Variants in TYW1B observed in about 807,000 individuals in gnomAD.
TYW1B encodes the protein tRNA-yW synthesizing protein 1 homolog B.
Under a neutral mutation model 86.9 loss-of-function variants are expected in TYW1B, and 73 were observed. The ratio of observed to expected loss-of-function variants is 0.84; its 90% CI spans 0.70 to 1.02. The LOEUF (loss-of-function observed/expected upper bound fraction) is 1.02. TYW1B is among the 50% of genes least tolerant of loss of function. TYW1B has a pLI of 0.00. For missense variants in TYW1B, 637 were observed against 827.4 expected (o/e 0.77, Z 2.82); for synonymous variants, 248 against 292.8 (o/e 0.85, Z 1.56).
At chr7:72,722,062 C>A (rs1248404392) in intron 9 of TYW1B, among the ~76,000 whole-genome samples, 1 of 152,194 alleles carries the variant, frequency 6.6e-6, no homozygotes, top group Non-Finnish European at 1.5e-5. Flanking sequence ...ATCTTCCCAA[C>A]AACCTGTCCT....
At chr7:72,785,486 A>G (rs1220028941) in intron 6 of TYW1B, among the ~76,000 whole-genome samples, 2 of 150,338 alleles carry the variant, frequency 1.3e-5, no homozygotes, top group South Asian at 2.1e-4. Flanking sequence ...TAACTACTAT[A>G]CAAGAAAATA....
intron 8 of TYW1B, among the ~76,000 whole-genome samples, chr7:72,733,815 T>C (rs1185672213): frequency 6.6e-6 from 1 of 152,194 alleles, no homozygotes; most frequent in Non-Finnish European, 1.5e-5. Context: ...ATTTACAGAT[T>C]TGATGCAATC....
intron 7 of TYW1B, among the ~76,000 whole-genome samples, chr7:72,770,994 C>T (rs1339389650): frequency 1.7e-5 from 2 of 120,474 alleles, no homozygotes; most frequent in African/African-American, 6.4e-5. Context: ...TGGAGTCTCA[C>T]TCTTATCACC....
chr7:72,591,889 T>C (rs1298601912), intron 13 of TYW1B, among the ~76,000 whole-genome samples: 2 of 152,110 alleles, frequency 1.3e-5, no homozygotes, highest in African/African-American at 2.4e-5. Context: ...AGTGGTGTGA[T>C]CTCAGCTCAC....
At chr7:72,595,205 G>A (rs1811500633) in intron 13 of TYW1B, among the ~76,000 whole-genome samples, 1 of 152,132 alleles carries the variant, frequency 6.6e-6, no homozygotes, top group Non-Finnish European at 1.5e-5. Flanking sequence ...AATAATTTTT[G>A]TTTTTAAATG....
chr7:72,798,755 T>C (rs561765383), intron 6 of TYW1B, among the ~76,000 whole-genome samples: 19 of 152,342 alleles, frequency 1.2e-4, no homozygotes, highest in African/African-American at 4.3e-4. Flanking sequence ...AGTGCCTGTT[T>C]ACTCAGAGCC....
chr7:72,618,253 G>A (rs1387336294), intron 12 of TYW1B, among the ~76,000 whole-genome samples: 1 of 36,372 alleles, frequency 2.7e-5, no homozygotes, highest in African/African-American at 1.1e-4. Context: ...TTTTTTTTTT[G>A]TTGCCCAGGC....
intron 8 of TYW1B, 34 bp downstream of exon 8, chr7:72,744,450 T>C (rs782208895): frequency 3.8e-6 from 6 of 1,586,852 alleles, no homozygotes; most frequent in Non-Finnish European, 4.3e-6. Context: ...GCTCATTACA[T>C]ATTCGATCAC....
At chr7:72,641,400 A>C (rs1812796838) in intron 11 of TYW1B, among the ~76,000 whole-genome samples, 1 of 152,206 alleles carries the variant, frequency 6.6e-6, no homozygotes, top group Non-Finnish European at 1.5e-5. Context: ...CATTATCTTC[A>C]TAACAAACCA....
In TYW1B at chr7:72,593,594, G is replaced by A. The variant is rs190183812; in HGVS notation, c.1786-17875C>T. On this transcript the variant is annotated intron_variant, in intron 13 of 13. Coordinates refer to ENST00000620995, the MANE Select transcript of TYW1B (RefSeq NM_001145440.3). ...TCCCAGCACTTTGGGAAGCCAAGGC[G>A]GGCGGATCACAAGGTCAGGAGATCG... Among the ~76,000 whole-genome samples, 1,363 of 151,992 alleles carry A rather than the reference G, an allele frequency of 9.0e-3. 21 individuals are homozygous for A. Among genetic ancestry groups the A allele is most frequent in the African/African-American group, 0.028 (1,144 of 41,456 alleles).
At chr7:72,701,115 T>C (rs1554452486) in intron 10 of TYW1B, among the ~76,000 whole-genome samples, 1 of 152,064 alleles carries the variant, frequency 6.6e-6, no homozygotes, top group Non-Finnish European at 1.5e-5. Context: ...TTTGAACACA[T>C]TTAAAATAGC....
chr7:72,738,273 C>T (rs1787235772), intron 8 of TYW1B, among the ~76,000 whole-genome samples: 1 of 151,354 alleles, frequency 6.6e-6, no homozygotes, highest in Non-Finnish European at 1.5e-5. Context: ...TAAGTAGAGA[C>T]GGGGTTTCCC....
At chr7:72,592,868 C>G (rs1274247532) in intron 13 of TYW1B, among the ~76,000 whole-genome samples, 5 of 152,130 alleles carry the variant, frequency 3.3e-5, no homozygotes, top group Non-Finnish European at 7.4e-5. Flanking sequence ...CATTTAGGCA[C>G]CTCATAACAG....
At chr7:72,621,012 C>T (rs1812200095) in intron 12 of TYW1B, among the ~76,000 whole-genome samples, 1 of 152,186 alleles carries the variant, frequency 6.6e-6, no homozygotes, top group African/African-American at 2.4e-5. Context: ...GACCCACCCC[C>T]ACTGCCCTAG....
intron 13 of TYW1B, among the ~76,000 whole-genome samples, chr7:72,605,001 G>T (rs1811760178): frequency 6.6e-6 from 1 of 152,160 alleles, no homozygotes; most frequent in African/African-American, 2.4e-5. Flanking sequence ...TAAGTAGCCT[G>T]CCTCTTATCA....
intron 10 of TYW1B, among the ~76,000 whole-genome samples, chr7:72,707,917 A>T (rs1814650977): frequency 6.6e-6 from 1 of 152,162 alleles, no homozygotes; most frequent in Non-Finnish European, 1.5e-5. Context: ...GTGGTTGTTT[A>T]AAAGTGTGCA....
intron 11 of TYW1B, among the ~76,000 whole-genome samples, chr7:72,664,710 T>A (rs1415771865): frequency 1.3e-5 from 2 of 152,084 alleles, no homozygotes; most frequent in South Asian, 4.2e-4. Flanking sequence ...GACACAAGTT[T>A]ATCTATGTAA....
At chr7:72,656,546 T>G (rs1454284914) in intron 11 of TYW1B, among the ~76,000 whole-genome samples, 8 of 151,942 alleles carry the variant, frequency 5.3e-5, no homozygotes, top group Non-Finnish European at 1.0e-4. Context: ...AGGTGGAGTT[T>G]GCAGTGAGCT....
intron 11 of TYW1B, among the ~76,000 whole-genome samples, chr7:72,631,095 A>T (rs1325189822): frequency 2.0e-5 from 3 of 152,182 alleles, no homozygotes; most frequent in Non-Finnish European, 4.4e-5. Flanking sequence ...CTTTTAAAAC[A>T]AAACAGAATG....
Sources: gnomAD v4.1 joint callset for allele counts (sites outside exome capture counted in the v4.1 genomes callset) on GRCh38, gnomAD v4.1.1 for gene constraint, MANE v1.5 for transcripts, NCBI Gene and HGNC (gene_info 2026-07-23, HGNC 2026-07-21) for gene names.